Variants in SATB1 observed in about 807,000 individuals in gnomAD.
The protein encoded by SATB1 is DNA-binding protein SATB1.
A neutral mutation model predicts 86.9 loss-of-function variants in SATB1; 11 were observed. The ratio of observed to expected loss-of-function variants is 0.13; its 90% CI spans 0.08 to 0.21. The LOEUF (loss-of-function observed/expected upper bound fraction) is 0.21, where lower values mean the gene tolerates loss of function less well. Among genes scored for constraint, SATB1 ranks in the 10% least tolerant of loss-of-function variants. The probability of loss-of-function intolerance (pLI) is 1.00; values close to 1 mark genes in which losing one functional copy is unlikely to be tolerated. For missense variants in SATB1, 551 were observed against 937.6 expected (o/e 0.59, Z 5.39); for synonymous variants, 357 against 357.2 (o/e 1.00, Z 0.01).
chr3:18,406,698 T>C (rs1382398298), intron 5 of SATB1, among the ~76,000 whole-genome samples: 4 of 152,044 alleles, frequency 2.6e-5, no homozygotes, highest in Non-Finnish European at 4.4e-5. Flanking sequence ...TTATCAAATA[T>C]ACAAAAGCAT....
chr3:18,391,186 A>G (rs959641341), intron 7 of SATB1, among the ~76,000 whole-genome samples: 1 of 152,112 alleles, frequency 6.6e-6, no homozygotes, highest in African/African-American at 2.4e-5. Flanking sequence ...TATTAAGATG[A>G]TAAGAAAATT....
chr3:18,363,358 G>T (rs1051504430), intron 9 of SATB1, among the ~76,000 whole-genome samples: 1 of 152,100 alleles, frequency 6.6e-6, no homozygotes, highest in African/African-American at 2.4e-5. Flanking sequence ...CAAATCTTGT[G>T]ATTTACAAGT....
upstream of SATB1, among the ~76,000 whole-genome samples, chr3:18,426,295 A>G (rs1305211504): frequency 6.6e-6 from 1 of 152,254 alleles, no homozygotes; most frequent in African/African-American, 2.4e-5. This position sits in a 1 kb window ranked among gnomAD's most constrained non-coding sequence, Gnocchi z 4.2. Flanking sequence ...TCTGAGCCAT[A>G]GAATACTTTG....
upstream of SATB1, among the ~76,000 whole-genome samples, chr3:18,442,350 A>G (rs1013893853): frequency 1.9e-4 from 29 of 152,154 alleles, no homozygotes; most frequent in African/African-American, 6.8e-4. Context: ...CAAATTTGAC[A>G]ATGCCTTGTA....
At position 18,349,759 on chromosome 3, in the gene SATB1, T is replaced by A; in HGVS notation, c.1780-77A>T. ...CAAAGCCGTCTCCAATCAGGAAAAA[T>A]GTGGTCCCGGATCCTACATATAGCT... On this transcript the variant is annotated intron_variant, in intron 10 of 10. Transcript: ENST00000338745. The surrounding 1 kb of genome is among the most constrained non-coding windows in gnomAD (Gnocchi z 5.5). The A allele has an allele frequency of 6.6e-7, 1 of 1,506,416 alleles. No individual in the cohort carries two copies. The highest frequency in any genetic ancestry group is 1.3e-5 in the South Asian group (1 of 78,786). 93.3% of individuals were successfully genotyped at this position (1,506,416 alleles called of 1,614,324 possible). A position where few individuals can be genotyped will look rare whatever the true frequency, so the allele number is the denominator to read the frequency against.
At chr3:18,402,950 A>G (rs1322152766) in intron 5 of SATB1, among the ~76,000 whole-genome samples, 2 of 152,136 alleles carry the variant, frequency 1.3e-5, no homozygotes, top group Non-Finnish European at 2.9e-5. Flanking sequence ...ATTTCAGCTT[A>G]ATGTAATCCT....
In SATB1 at chr3:18,386,421, GTGC is replaced by G; in HGVS notation, c.1394_1396del (p.Ser465del). On this transcript the variant is annotated inframe_deletion, in exon 8 of 11. Coordinates refer to ENST00000338745, the MANE Select transcript of SATB1 (RefSeq NM_002971.6). This position sits in a 1 kb window ranked among gnomAD's most constrained non-coding sequence, Gnocchi z 4.5. ...CACCTGGGGAGGACGGCTGGGTGGT[GTGC>G]TGATGAGGGGGGCAGGACCCATGGC... 1 of 1,613,902 alleles carries G rather than the reference GTGC, an allele frequency of 6.2e-7. No homozygotes were observed. The highest frequency in any genetic ancestry group is 8.5e-7 in the Non-Finnish European group (1 of 1,179,980).
intron 9 of SATB1, among the ~76,000 whole-genome samples, chr3:18,355,361 G>A (rs1198973588): frequency 1.3e-5 from 2 of 151,956 alleles, no homozygotes; most frequent in Non-Finnish European, 2.9e-5. Flanking sequence ...TCTATTGATT[G>A]TTACTCTATT....
intron 9 of SATB1, among the ~76,000 whole-genome samples, chr3:18,360,205 G>A (rs541350983): frequency 6.6e-6 from 1 of 152,200 alleles, no homozygotes; most frequent in South Asian, 2.1e-4. Flanking sequence ...GATAGGTAAA[G>A]AAACGGGTTT....
chr3:18,425,372 A>G (rs1275637475), upstream of SATB1: 3 of 140,936 alleles, frequency 2.1e-5, no homozygotes, highest in Non-Finnish European at 3.0e-5. Context: ...GAGGAGGAGG[A>G]GGGGGGAGGA....
intron 1 of SATB1, chr3:18,436,902 A>G (rs1699083825): frequency 6.6e-6 from 1 of 152,180 alleles, no homozygotes; most frequent in South Asian, 2.1e-4. Flanking sequence ...AGATAACTCA[A>G]ATAGTTAACC....
At position 18,347,365 on chromosome 3, in the gene SATB1, G is replaced by A. The variant is rs1272866138; in HGVS notation, c.*1805C>T. 1 of 152,062 alleles carries A rather than the reference G, an allele frequency of 6.6e-6. No individual in the cohort carries two copies. Among genetic ancestry groups the A allele is most frequent in the Non-Finnish European group, 1.5e-5 (1 of 68,000 alleles). The allele number at this position is 152,062 out of a possible 1,614,324, so 9.4% of individuals were successfully genotyped here. ...ATTCTGGCATTTTACTATGTTTAAT[G>A]TTGCAAGAATTTTGAAGATTGTGTT... On this transcript the variant is annotated 3_prime_UTR_variant, in exon 11 of 11. Coordinates refer to ENST00000338745, the MANE Select transcript of SATB1 (RefSeq NM_002971.6).
intron 7 of SATB1, among the ~76,000 whole-genome samples, chr3:18,391,574 T>G (rs1696676463): frequency 7.8e-6 from 1 of 127,856 alleles, no homozygotes; most frequent in Non-Finnish European, 1.6e-5. Context: ...TTCCCCTTCC[T>G]GTGTCCATGT....
At chr3:18,426,966 G>C (rs1698725653), upstream of SATB1, among the ~76,000 whole-genome samples, 1 of 152,122 alleles carries the variant, frequency 6.6e-6, no homozygotes, top group Non-Finnish European at 1.5e-5. This position sits in a 1 kb window ranked among gnomAD's most constrained non-coding sequence, Gnocchi z 4.2. Context: ...TAGCACCCAC[G>C]TTTCACCCAC....
At chr3:18,374,574 C>A (rs142240328) in intron 9 of SATB1, among the ~76,000 whole-genome samples, 3 of 152,272 alleles carry the variant, frequency 2.0e-5, no homozygotes, top group African/African-American at 7.2e-5. Context: ...TAACCAAGCA[C>A]AAAAAGTAGC....
At chr3:18,374,183 A>G (rs1281486554) in intron 9 of SATB1, among the ~76,000 whole-genome samples, 1 of 152,150 alleles carries the variant, frequency 6.6e-6, no homozygotes, top group South Asian at 2.1e-4. Context: ...TCCTTGCTGG[A>G]CACACACCTT....
chr3:18,426,367 T>C (rs1384947201), upstream of SATB1, among the ~76,000 whole-genome samples: 1 of 152,200 alleles, frequency 6.6e-6, no homozygotes. This position sits in a 1 kb window ranked among gnomAD's most constrained non-coding sequence, Gnocchi z 4.2. Flanking sequence ...ACCTGACTTG[T>C]TATTATAAAG....
intron 9 of SATB1, among the ~76,000 whole-genome samples, chr3:18,376,855 T>C (rs1242502467): frequency 6.6e-6 from 1 of 152,232 alleles, no homozygotes; most frequent in Non-Finnish European, 1.5e-5. Context: ...AGTTTAATGT[T>C]TAAACAGCAC....
intron 9 of SATB1, among the ~76,000 whole-genome samples, chr3:18,370,994 C>T (rs1250856508): frequency 6.6e-6 from 1 of 152,180 alleles, no homozygotes; most frequent in Non-Finnish European, 1.5e-5. Context: ...TTGAAGGAGT[C>T]TGTGCATCAA....
Sources: allele counts gnomAD v4.1 joint callset (sites outside exome capture counted in the v4.1 genomes callset), GRCh38; gene constraint gnomAD v4.1.1; non-coding constraint Gnocchi (gnomAD v3.1); transcripts MANE v1.5; gene names NCBI Gene and HGNC (gene_info 2026-07-23, HGNC 2026-07-21).